CERCAM: variants seen among roughly 807,000 people sequenced by gnomAD.
CERCAM encodes the protein inactive glycosyltransferase 25 family member 3.
A neutral mutation model predicts 66.0 loss-of-function variants in CERCAM; 59 were observed. That is an observed-to-expected ratio of 0.89 (90% CI 0.73 to 1.11). CERCAM has a LOEUF of 1.11. CERCAM is among the 50% of genes most tolerant of loss of function. The pLI is 0.00. For missense variants in CERCAM, 840 were observed against 828.3 expected (o/e 1.01, Z -0.17); for synonymous variants, 318 against 343.6 (o/e 0.93, Z 0.83).
Position 128,428,768 on chromosome 9 carries a change from C to T in CERCAM, c.898C>T (p.Arg300Cys), listed in dbSNP as rs370335224. The change falls in exon 7 of 13, where the codon CGC becomes TGC. Residue 300 changes from arginine (R) to cysteine (C), a missense_variant. Coordinates refer to ENST00000372838, the MANE Select transcript of CERCAM (RefSeq NM_016174.5). ...LILEALVDGP[R>C]MQASAHVTRP... ...GCTTCCCTTTGCAGTGGACGGCCCC[C>T]GCATGCAGGCCTCAGCTCATGTGAC... The T allele has an allele frequency of 1.2e-4, 195 of 1,613,786 alleles. No individual in the cohort carries two copies. The highest frequency in any genetic ancestry group is 1.5e-4 in the Non-Finnish European group (181 of 1,180,014).
chr9:128,420,565 C>T (rs1305551482), upstream of CERCAM: 1 of 178,298 alleles, frequency 5.6e-6, no homozygotes, highest in Non-Finnish European at 1.2e-5. The surrounding 1 kb of genome is among the most constrained non-coding windows in gnomAD (Gnocchi z 5.0). Context: ...CCCCGACGCA[C>T]TCGTCCTAGC....
chr9:128,421,002 C>G lies in CERCAM; in HGVS notation c.125C>G (p.Ala42Gly). 1 of 1,465,282 alleles carries G rather than the reference C, an allele frequency of 6.8e-7. No individual in the cohort carries two copies. Among genetic ancestry groups the G allele is most frequent in the Non-Finnish European group, 9.0e-7 (1 of 1,109,076 alleles). The allele number at this position is 1,465,282 out of a possible 1,614,324, so 90.8% of individuals were successfully genotyped here. A position where few individuals can be genotyped will look rare whatever the true frequency, so the allele number is the denominator to read the frequency against. The change falls in exon 1 of 13, where the codon GCC becomes GGC. Residue 42 changes from alanine (A) to glycine (G), a missense_variant. By Grantham distance (60) the Ala-to-Gly change is moderately conservative. Transcript: ENST00000372838. ...AVVLAILARN[A>G]EHSLPHYLGA... ...GTCCTTGCCATCCTGGCCCGCAATGCCGAACACTCGCTGCCCCACTACCTG... is the reference window on the plus strand; with the variant it reads ...GTCCTTGCCATCCTGGCCCGCAATGGCGAACACTCGCTGCCCCACTACCTG...
intron 1 of CERCAM, chr9:128,421,991 G>T (rs1026049581): frequency 1.9e-4 from 29 of 152,306 alleles, no homozygotes; most frequent in African/African-American, 6.5e-4. Context: ...CTCTGTTATG[G>T]GGGCCCCTTC....
At position 128,429,150 on chromosome 9, in the gene CERCAM, T is replaced by C. The variant is rs549565538; in HGVS notation, c.1070+114T>C. ...GGTTGAATGAGTTTCCTGTCCCATG[T>C]AGTATCCAAATAGGGTCTGAGTAAT... is the stretch of plus-strand genomic sequence containing the variant. On this transcript the variant is annotated intron_variant, in intron 8 of 12. Transcript: ENST00000372838. The C allele has an allele frequency of 3.1e-5, 23 of 734,344 alleles. No individual in the cohort carries two copies. In the South Asian group the frequency reaches 3.9e-4, roughly 12 times the overall value. 45.5% of individuals were successfully genotyped at this position (734,344 alleles called of 1,614,324 possible). A position where few individuals can be genotyped will look rare whatever the true frequency, so the allele number is the denominator to read the frequency against.
rs778878557 is a variant in CERCAM at position 128,422,973 on chromosome 9, G to C, written c.303G>C (p.Glu101Asp). Reference sequence around the variant, plus strand: ...CTGTGGTCTGGAGGCCTGAGGGCGAGCCCAGGTGGTGATCTGAGGGGAAGG... The same window carrying C: ...CTGTGGTCTGGAGGCCTGAGGGCGACCCCAGGTGGTGATCTGAGGGGAAGG... ...YAAVVWRPEG[E>D]PRFYPDEEGP... Residue 101 changes from glutamate (E) to aspartate (D), a missense_variant, in exon 2 of 13, where the codon GAG becomes GAC. Glu to Asp is a conservative substitution (Grantham distance 45, BLOSUM62 2). Transcript: ENST00000372838. 3 of 1,613,610 alleles carry C rather than the reference G, an allele frequency of 1.9e-6. No individual in the cohort carries two copies. The African/African-American group carries it at 4.0e-5, about 22-fold the overall frequency.
intron 1 of CERCAM, chr9:128,421,602 G>A (rs545532621): frequency 4.3e-5 from 37 of 861,476 alleles, no homozygotes; most frequent in East Asian, 1.2e-4. Context: ...AGCTCTCTTG[G>A]TAGATCTTGG....
upstream of CERCAM, chr9:128,420,814 C>A: frequency 1.2e-6 from 1 of 810,776 alleles, no homozygotes; most frequent in Non-Finnish European, 1.6e-6. This position sits in a 1 kb window ranked among gnomAD's most constrained non-coding sequence, Gnocchi z 5.0. Context: ...GCCCCAGGCC[C>A]CGCCCCCTCC....
rs149826243 is a variant in CERCAM at position 128,421,124 on chromosome 9, G to T, written c.197+50G>T. 2,541 of 1,265,976 alleles carry T rather than the reference G, an allele frequency of 2.0e-3. 45 individuals are homozygous for T. The African/African-American group carries it at 0.033, about 17-fold the overall frequency. The allele number at this position is 1,265,976 out of a possible 1,614,324, so 78.4% of individuals were successfully genotyped here. A position where few individuals can be genotyped will look rare whatever the true frequency, so the allele number is the denominator to read the frequency against. On this transcript the variant is annotated intron_variant, in intron 1 of 12. Coordinates refer to ENST00000372838, the MANE Select transcript of CERCAM (RefSeq NM_016174.5). ...GAGTGGGCACCTAACCCCCAGCTTCGCAGATGGCCCCCGCCCCCGGCGGCC... is the reference window on the plus strand; with the variant it reads ...GAGTGGGCACCTAACCCCCAGCTTCTCAGATGGCCCCCGCCCCCGGCGGCC...
Position 128,424,277 on chromosome 9 carries a change from G to A in CERCAM, c.561+5G>A. ...TGGTGTGGGATCACCCCCCAGGTGAGGCCGGGATGGGGGCCTTGGGTGGAC... is the reference window on the plus strand; with the variant it reads ...TGGTGTGGGATCACCCCCCAGGTGAAGCCGGGATGGGGGCCTTGGGTGGAC... On this transcript the variant is annotated splice_donor_5th_base_variant and intron_variant, in intron 4 of 12. Transcript: ENST00000372838. 2 of 1,613,912 alleles carry A rather than the reference G, an allele frequency of 1.2e-6. No individual in the cohort carries two copies. Among genetic ancestry groups the A allele is most frequent in the Non-Finnish European group, 1.7e-6 (2 of 1,179,932 alleles).
At chr9:128,433,278 C>CAA (rs758064235) in intron 9 of CERCAM, among the ~76,000 whole-genome samples, 21 of 70,576 alleles carry the variant, frequency 3.0e-4, no homozygotes, top group Non-Finnish European at 4.3e-4. Flanking sequence ...AACTCCGTCT[C>CAA]AAAAAAAAAA....
intron 1 of CERCAM, 73 bp downstream of exon 1, chr9:128,421,147 G>A: frequency 7.9e-7 from 1 of 1,259,054 alleles, no homozygotes; most frequent in Non-Finnish European, 1.0e-6. Flanking sequence ...GCCCCCGGCG[G>A]CCCTGTCTGC....
intron 1 of CERCAM, chr9:128,422,216 G>A (rs1833725171): frequency 6.6e-6 from 1 of 152,456 alleles, no homozygotes; most frequent in South Asian, 2.1e-4. Flanking sequence ...CCTAACGAAG[G>A]TAACCAGGGA....
chr9:128,424,836 C>T (rs1289970565), intron 5 of CERCAM, among the ~76,000 whole-genome samples: 1 of 151,236 alleles, frequency 6.6e-6, no homozygotes, highest in Non-Finnish European at 1.5e-5. Flanking sequence ...GATTTCCTGC[C>T]TCAGCTTCCC....
At chr9:128,425,183 A>G (rs1434710676) in intron 5 of CERCAM, among the ~76,000 whole-genome samples, 1 of 151,790 alleles carries the variant, frequency 6.6e-6, no homozygotes, top group Non-Finnish European at 1.5e-5. Flanking sequence ...CAGCCTCCCG[A>G]GTAGCTGGGA....
intron 1 of CERCAM, chr9:128,421,488 C>G: frequency 1.0e-6 from 1 of 993,202 alleles, no homozygotes; most frequent in Non-Finnish European, 1.2e-6. Context: ...AGGGATCGAC[C>G]ACGCTGGAGG....
At position 128,425,774 on chromosome 9, in the gene CERCAM, G is replaced by GTGCTGAGAT. The variant is rs1431233542; in HGVS notation, c.766+1162_766+1170dup. ...GATCTGCCCGCCTCAGCCTCCCAAA[G>GTGCTGAGAT]TGCTGAGATTACAGGCATGGGCCAC... On this transcript the variant is annotated intron_variant, in intron 5 of 12. Transcript: ENST00000372838. Among the ~76,000 whole-genome samples, 7 of 149,926 alleles carry GTGCTGAGAT rather than the reference G, an allele frequency of 4.7e-5. No homozygotes were observed. The East Asian group carries it at 1.4e-3, about 30-fold the overall frequency.
upstream of CERCAM, among the ~76,000 whole-genome samples, chr9:128,419,446 C>G (rs764430638): frequency 6.6e-6 from 1 of 152,336 alleles, no homozygotes; most frequent in Non-Finnish European, 1.5e-5. Flanking sequence ...GAGCCTCCCT[C>G]TCCTCCAGTC....
chr9:128,423,039 A>C, intron 2 of CERCAM, 61 bp downstream of exon 2: 2 of 1,612,020 alleles, frequency 1.2e-6, no homozygotes, highest in Middle Eastern at 1.7e-4. Context: ...CCAGAGAGGA[A>C]AAGGGACAGC....
At chr9:128,423,300 C>G (rs199763648) in intron 3 of CERCAM, 37 bp downstream of exon 3, 2 of 1,514,858 alleles carry the variant, frequency 1.3e-6, no homozygotes, top group Non-Finnish European at 1.8e-6. Context: ...TTCTGAAAGG[C>G]GGTAGTATCC....
Sources: allele counts gnomAD v4.1 joint callset (sites outside exome capture counted in the v4.1 genomes callset), GRCh38; gene constraint gnomAD v4.1.1; non-coding constraint Gnocchi (gnomAD v3.1); transcripts MANE v1.5; gene names NCBI Gene and HGNC (gene_info 2026-07-23, HGNC 2026-07-21).